Variants in DLGAP4 observed in about 807,000 individuals in gnomAD.
The protein encoded by DLGAP4 is DLG associated protein 4, also known as disks large-associated protein 4.
Under a neutral mutation model 86.9 loss-of-function variants are expected in DLGAP4, and 18 were observed. The ratio of observed to expected loss-of-function variants is 0.21; its 90% CI spans 0.14 to 0.31. The LOEUF (loss-of-function observed/expected upper bound fraction) is 0.31. DLGAP4 is among the 10% of genes least tolerant of loss of function. The pLI is 1.00. For synonymous variants in DLGAP4, 548 were observed against 574.3 expected (o/e 0.95, Z 0.65); for missense variants, 1,085 against 1,362.6 (o/e 0.80, Z 3.21).
intron 5 of DLGAP4, among the ~76,000 whole-genome samples, chr20:36,440,923 C>T (rs1231273662): frequency 2.0e-5 from 3 of 152,174 alleles, no homozygotes; most frequent in Admixed American, 1.3e-4. Context: ...TTTGGGACCC[C>T]GACTCCTCAC....
At chr20:36,327,312 T>A (rs540320725) in intron 1 of DLGAP4, among the ~76,000 whole-genome samples, 1 of 152,262 alleles carries the variant, frequency 6.6e-6, no homozygotes, top group South Asian at 2.1e-4. Context: ...AGATTTACTC[T>A]TTACCACTGG....
chr20:36,456,465 T>C (rs1438531389), intron 7 of DLGAP4, among the ~76,000 whole-genome samples: 1 of 152,080 alleles, frequency 6.6e-6, no homozygotes, highest in Admixed American at 6.5e-5. Context: ...GTGGTCTAGG[T>C]AAGTGACAGT....
chr20:36,396,744 T>C (rs1033365065), intron 2 of DLGAP4, among the ~76,000 whole-genome samples: 1 of 151,276 alleles, frequency 6.6e-6, no homozygotes, highest in Non-Finnish European at 1.5e-5. Flanking sequence ...TATTGAAGAC[T>C]TCTCACCCTG....
chr20:36,325,688 A>T (rs1199506279), intron 1 of DLGAP4, among the ~76,000 whole-genome samples: 3 of 151,380 alleles, frequency 2.0e-5, no homozygotes, highest in Non-Finnish European at 4.4e-5. Flanking sequence ...GTTTATCATT[A>T]TGAAGTGATT....
At chr20:36,414,017 T>A (rs924022168) in intron 2 of DLGAP4, among the ~76,000 whole-genome samples, 66 of 152,162 alleles carry the variant, frequency 4.3e-4, no homozygotes, top group African/African-American at 1.5e-3. Flanking sequence ...CTCTTCCCCC[T>A]TTAAGGATGC....
chr20:36,441,076 C>T (rs1413510810), intron 5 of DLGAP4, among the ~76,000 whole-genome samples: 1 of 152,102 alleles, frequency 6.6e-6, no homozygotes, highest in Non-Finnish European at 1.5e-5. Context: ...AGCCGTCCTC[C>T]AATCCATACT....
chr20:36,418,002 C>G (rs2032711813), intron 2 of DLGAP4, among the ~76,000 whole-genome samples: 1 of 151,484 alleles, frequency 6.6e-6, no homozygotes, highest in South Asian at 2.1e-4. Flanking sequence ...CCAGGCTAGC[C>G]TCAAACTCCT....
intron 7 of DLGAP4, among the ~76,000 whole-genome samples, chr20:36,485,003 A>G (rs892014066): frequency 6.6e-6 from 1 of 152,226 alleles, no homozygotes; most frequent in Non-Finnish European, 1.5e-5. Context: ...GTGATATTTT[A>G]ATATATCCAT....
intron 1 of DLGAP4, among the ~76,000 whole-genome samples, chr20:36,337,063 C>T (rs1171977203): frequency 6.6e-6 from 1 of 152,134 alleles, no homozygotes; most frequent in Non-Finnish European, 1.5e-5. Context: ...TGGGGCCCAG[C>T]AGCAGCTGCA....
rs79549546 is a variant in DLGAP4 at position 36,325,455 on chromosome 20, G to A, written c.-304+18943G>A. On this transcript the variant is annotated intron_variant, in intron 1 of 12. Transcript: ENST00000339266. ...GGGGATGGAGTGTTCTATAAATGTC[G>A]GGTCAAGTTGGTTGATAATTTTCAA... 3.8e-3 allele frequency among the ~76,000 whole-genome samples: 576 copies of A among 152,144 alleles called. 5 individuals are homozygous for A. Among genetic ancestry groups the A allele is most frequent in the African/African-American group, 0.013 (553 of 41,498 alleles).
intron 10 of DLGAP4, among the ~76,000 whole-genome samples, chr20:36,514,192 G>A (rs2036901255): frequency 6.6e-6 from 1 of 152,132 alleles, no homozygotes; most frequent in African/African-American, 2.4e-5. Context: ...CAGCTGAAGG[G>A]CTCACCAAGC....
chr20:36,482,361 AG>A (rs1159739594), intron 7 of DLGAP4, among the ~76,000 whole-genome samples: 2 of 152,266 alleles, frequency 1.3e-5, no homozygotes, highest in Middle Eastern at 3.4e-3. Flanking sequence ...ACCTATCGCC[AG>A]GGTTTGAAGT....
At chr20:36,409,398 CTTTTTTTTTTTAACTCT>C (rs2032421333) in intron 2 of DLGAP4, among the ~76,000 whole-genome samples, 1 of 142,364 alleles carries the variant, frequency 7.0e-6, no homozygotes, top group African/African-American at 2.6e-5. Flanking sequence ...TTTTTTAAGA[CTTTTTTTTTTTAACTCT>C]TTTTTTTTTT....
intron 10 of DLGAP4, among the ~76,000 whole-genome samples, chr20:36,515,224 A>G (rs915223215): frequency 2.6e-5 from 4 of 152,224 alleles, no homozygotes; most frequent in Admixed American, 6.5e-5. Context: ...TTTTGAAGAT[A>G]TTGGATGGAT....
chr20:36,494,645 A>G (rs2147757654), intron 7 of DLGAP4, among the ~76,000 whole-genome samples: 1 of 152,292 alleles, frequency 6.6e-6, no homozygotes, highest in East Asian at 1.9e-4. Flanking sequence ...TCACATGCAT[A>G]CATTCATGTA....
At chr20:36,429,150 G>C (rs2033059278) in intron 2 of DLGAP4, among the ~76,000 whole-genome samples, 1 of 152,100 alleles carries the variant, frequency 6.6e-6, no homozygotes, top group Non-Finnish European at 1.5e-5. Flanking sequence ...CACAATCTCG[G>C]CTCACTGCAA....
At chr20:36,476,123 T>G (rs2034903856) in intron 7 of DLGAP4, among the ~76,000 whole-genome samples, 1 of 151,942 alleles carries the variant, frequency 6.6e-6, no homozygotes, top group Admixed American at 6.6e-5. Context: ...CCTCCCAAAG[T>G]GCTGGGATTA....
chr20:36,334,191 C>T (rs1555891864), intron 1 of DLGAP4, among the ~76,000 whole-genome samples: 1 of 152,204 alleles, frequency 6.6e-6, no homozygotes, highest in African/African-American at 2.4e-5. Flanking sequence ...CAGAAATTGA[C>T]AAAAATGCTA....
chr20:36,317,229 TTC>T (rs1424378082), intron 1 of DLGAP4, among the ~76,000 whole-genome samples: 4 of 36,900 alleles, frequency 1.1e-4, no homozygotes, highest in African/African-American at 1.7e-4. Flanking sequence ...CCTTTTTTCT[TTC>T]TTTCTTTCTT....
Sources: gnomAD v4.1 joint callset for allele counts (sites outside exome capture counted in the v4.1 genomes callset) on GRCh38, gnomAD v4.1.1 for gene constraint, MANE v1.5 for transcripts, NCBI Gene and HGNC (gene_info 2026-07-23, HGNC 2026-07-21) for gene names.